ASPH: variants seen among roughly 807,000 people sequenced by gnomAD.
ASPH encodes aspartyl/asparaginyl beta-hydroxylase.
A neutral mutation model predicts 118.4 loss-of-function variants in ASPH; 100 were observed. The observed-to-expected ratio is 0.84, with a 90% CI of 0.72 to 1.00. The LOEUF (loss-of-function observed/expected upper bound fraction) is 1.00. ASPH is among the 50% of genes least tolerant of loss of function. The pLI is 0.00. For missense variants in ASPH, 920 were observed against 919.5 expected, an observed-to-expected ratio of 1.00 and a Z score of -0.01; for synonymous variants, 315 against 325.6, an observed-to-expected ratio of 0.97 and a Z score of 0.35.
At chr8:61,651,240 A>T in intron 4 of ASPH, 116 bp from the exon 5 acceptor site, 4 of 744,150 alleles carry the variant, frequency 5.4e-6, no homozygotes, top group Non-Finnish European at 8.6e-6. Flanking sequence ...TGACTAAGCA[A>T]CTCTGCATGC....
chr8:61,573,265 A>G (rs1834007358), intron 16 of ASPH, among the ~76,000 whole-genome samples: 1 of 152,236 alleles, frequency 6.6e-6, no homozygotes. Flanking sequence ...AAGAATCAAT[A>G]TCGTGAAAAT....
At chr8:61,682,011 G>C (rs1331609357) in intron 2 of ASPH, among the ~76,000 whole-genome samples, 1 of 151,888 alleles carries the variant, frequency 6.6e-6, no homozygotes, top group African/African-American at 2.4e-5. Context: ...TTTGGCAATT[G>C]TTATCATTTC....
At chr8:61,668,103 T>G (rs1398657360) in intron 3 of ASPH, 1 of 793,114 alleles carries the variant, frequency 1.3e-6, no homozygotes, top group Admixed American at 3.2e-5. Context: ...ATAACCTAAG[T>G]TGCACCCAAG....
At chr8:61,667,097 AC>A (rs1433624183) in intron 3 of ASPH, among the ~76,000 whole-genome samples, 3 of 152,122 alleles carry the variant, frequency 2.0e-5, no homozygotes, top group Non-Finnish European at 4.4e-5. Flanking sequence ...AAATCACAAA[AC>A]CCTGTGAATC....
intron 22 of ASPH, among the ~76,000 whole-genome samples, chr8:61,525,592 G>A (rs1234322355): frequency 1.3e-5 from 2 of 152,056 alleles, no homozygotes; most frequent in East Asian, 3.9e-4. Context: ...CCATTTTATA[G>A]GAGCAAATGA....
chr8:61,714,320 A>AGCC lies in ASPH; in HGVS notation c.49_51dup (p.Gly17dup). Reference sequence around the variant, plus strand: ...CCCGCACTCGTGCTACCGCTGCCGGAGCCGCTGCTGCTGCTGTTGCCGCTG... The same window carrying AGCC: ...CCCGCACTCGTGCTACCGCTGCCGGAGCCGCCGCTGCTGCTGCTGTTGCCGCTG... On this transcript the variant is annotated inframe_insertion, in exon 1 of 25. Coordinates refer to ENST00000379454, the MANE Select transcript of ASPH (RefSeq NM_004318.4). 1 of 1,519,464 alleles carries AGCC rather than the reference A, an allele frequency of 6.6e-7. No individual in the cohort carries two copies. Among genetic ancestry groups the AGCC allele is most frequent in the South Asian group, 1.2e-5 (1 of 81,318 alleles). 94.1% of individuals were successfully genotyped at this position (1,519,464 alleles called of 1,614,324 possible).
In ASPH at chr8:61,665,501, C is replaced by T. The variant is rs555432849; in HGVS notation, c.323-11841G>A. 16 of 1,565,116 alleles carry T rather than the reference C, an allele frequency of 1.0e-5. 1 individual carries two copies. Among genetic ancestry groups the T allele is most frequent in the Admixed American group, 1.9e-5 (1 of 52,624 alleles). ...TGCATCAGCAATTTTCTTATCCTTT[C>T]GGACATCCTCTTTCTTCCCCTTTTT... On this transcript the variant is annotated intron_variant, in intron 3 of 24. Coordinates refer to ENST00000379454, the MANE Select transcript of ASPH (RefSeq NM_004318.4).
chr8:61,678,297 A>G (rs1281922470), intron 3 of ASPH, among the ~76,000 whole-genome samples: 1 of 152,132 alleles, frequency 6.6e-6, no homozygotes, highest in Non-Finnish European at 1.5e-5. Flanking sequence ...TGTTGATTTT[A>G]TTTGGAAAAT....
chr8:61,611,177 G>T (rs116855341), intron 14 of ASPH, among the ~76,000 whole-genome samples: 10 of 152,284 alleles, frequency 6.6e-5, no homozygotes, highest in Non-Finnish European at 8.8e-5. Context: ...TAGCTATAAT[G>T]ACTTCAAAAA....
intron 14 of ASPH, among the ~76,000 whole-genome samples, chr8:61,592,097 G>A (rs893092553): frequency 4.6e-5 from 7 of 152,106 alleles, no homozygotes; most frequent in Admixed American, 2.0e-4. Flanking sequence ...CTTCAGTTCC[G>A]CTACTTCTGA....
In ASPH at chr8:61,709,445, C is replaced by G. The variant is rs1364444081; in HGVS notation, c.103+4824G>C. 4.6e-5 allele frequency among the ~76,000 whole-genome samples: 7 copies of G among 152,266 alleles called. No homozygotes were observed. The South Asian group carries it at 1.0e-3, about 23-fold the overall frequency. On this transcript the variant is annotated intron_variant, in intron 1 of 24. Coordinates refer to ENST00000379454, the MANE Select transcript of ASPH (RefSeq NM_004318.4). ...AGTCCTCTAATAAAAATGGCCAGAG[C>G]TGCAGGACCGAACCAGAGAAACTCA... is the stretch of plus-strand genomic sequence containing the variant.
intron 1 of ASPH, among the ~76,000 whole-genome samples, chr8:61,709,410 C>T (rs1837530284): frequency 6.6e-6 from 1 of 152,180 alleles, no homozygotes; most frequent in South Asian, 2.1e-4. Context: ...AAAGAACATC[C>T]TGAATCCTTA....
At chr8:61,600,172 C>T (rs781295192) in intron 14 of ASPH, among the ~76,000 whole-genome samples, 9 of 151,912 alleles carry the variant, frequency 5.9e-5, no homozygotes, top group African/African-American at 1.2e-4. Context: ...TTGCAGAAAA[C>T]GCATTTGATA....
chr8:61,517,690 G>T (rs1186846007), intron 23 of ASPH, 29 bp from the exon 24 acceptor site: 1 of 1,603,684 alleles, frequency 6.2e-7, no homozygotes, highest in Non-Finnish European at 8.5e-7. Flanking sequence ...ACTCCATTCA[G>T]CCATTTATCA....
chr8:61,576,737 A>T (rs779981253), intron 16 of ASPH, 35 bp downstream of exon 16: 1 of 1,558,918 alleles, frequency 6.4e-7, no homozygotes, highest in Admixed American at 1.9e-5. Flanking sequence ...CATGAACATC[A>T]AAAAAGTGTC....
chr8:61,689,546 T>A, intron 1 of ASPH: 1 of 876,984 alleles, frequency 1.1e-6, no homozygotes, highest in South Asian at 1.8e-5. Context: ...GAGTTCAAAA[T>A]AGAAAATGTA....
chr8:61,528,117 A>T (rs966510110), intron 21 of ASPH, among the ~76,000 whole-genome samples: 2 of 152,088 alleles, frequency 1.3e-5, no homozygotes, highest in Non-Finnish European at 2.9e-5. Context: ...CTGGTCATTT[A>T]TCCATGTTTA....
intron 1 of ASPH, among the ~76,000 whole-genome samples, chr8:61,705,884 A>G (rs2151899246): frequency 6.6e-6 from 1 of 152,244 alleles, no homozygotes; most frequent in Non-Finnish European, 1.5e-5. Flanking sequence ...GCATGAAAGA[A>G]TAAGATTGAC....
intron 3 of ASPH, among the ~76,000 whole-genome samples, chr8:61,679,633 G>C (rs1464967080): frequency 6.6e-6 from 1 of 151,680 alleles, no homozygotes. Flanking sequence ...GAGGGAACTT[G>C]GCCCACATTT....
Sources: allele counts gnomAD v4.1 joint callset (sites outside exome capture counted in the v4.1 genomes callset), GRCh38; gene constraint gnomAD v4.1.1; transcripts MANE v1.5; gene names NCBI Gene and HGNC (gene_info 2026-07-23, HGNC 2026-07-21).